The following SNX29 variants were observed in gnomAD, a reference collection of about 807,000 sequenced individuals.
SNX29 encodes the protein sorting nexin-29.
In SNX29, 78 loss-of-function variants were observed where a neutral mutation model predicts 102.1. The observed-to-expected ratio is 0.76, with a 90% confidence interval of 0.64 to 0.92. The LOEUF (loss-of-function observed/expected upper bound fraction) is 0.92, where lower values mean the gene tolerates loss of function less well. SNX29 is among the 40% of genes least tolerant of loss of function. The pLI, the probability that SNX29 is intolerant of heterozygous loss-of-function variation, is 0.00. For missense variants in SNX29, 1,280 were observed against 1,061.7 expected (o/e 1.21, Z -2.86); for synonymous variants, 580 against 414.5 (o/e 1.40, Z -4.85).
chr16:12,322,244 C>T (rs1371787574), intron 15 of SNX29, among the ~76,000 whole-genome samples: 2 of 152,144 alleles, frequency 1.3e-5, no homozygotes, highest in African/African-American at 4.8e-5. Flanking sequence ...AGTGGCCTAA[C>T]CTACATCCTG....
intron 15 of SNX29, among the ~76,000 whole-genome samples, chr16:12,339,759 C>T (rs1251518997): frequency 2.6e-5 from 4 of 152,218 alleles, no homozygotes; most frequent in African/African-American, 7.2e-5. Context: ...GTTTCTCTCC[C>T]AGTAGCTCTA....
intron 11 of SNX29, among the ~76,000 whole-genome samples, chr16:12,115,290 C>T (rs368532007): frequency 2.0e-5 from 3 of 152,032 alleles, no homozygotes; most frequent in South Asian, 4.1e-4. Context: ...CCACAAGTAC[C>T]GAAGGAAGAA....
chr16:12,264,728 G>C (rs918310025), intron 14 of SNX29, among the ~76,000 whole-genome samples: 1 of 151,288 alleles, frequency 6.6e-6, no homozygotes, highest in Non-Finnish European at 1.5e-5. Context: ...GTTGCAGTGA[G>C]CCGAGATCAT....
At chr16:12,215,973 T>C (rs1338509969) in intron 14 of SNX29, among the ~76,000 whole-genome samples, 1 of 152,196 alleles carries the variant, frequency 6.6e-6, no homozygotes, top group Admixed American at 6.5e-5. Flanking sequence ...TGGTGGTCTT[T>C]GCTGCCTTCT....
intron 18 of SNX29, among the ~76,000 whole-genome samples, chr16:12,450,796 T>C (rs946929754): frequency 4.6e-5 from 7 of 152,102 alleles, no homozygotes; most frequent in African/African-American, 1.7e-4. Flanking sequence ...GTGGTGGCAC[T>C]GGGGAACCTA....
chr16:12,088,417 C>T (rs1356820407), intron 11 of SNX29, among the ~76,000 whole-genome samples: 3 of 152,082 alleles, frequency 2.0e-5, no homozygotes, highest in Non-Finnish European at 4.4e-5. Flanking sequence ...ACTCTGTTCC[C>T]ACTTGTTCTT....
At chr16:12,327,237 C>A (rs1319256211) in intron 15 of SNX29, among the ~76,000 whole-genome samples, 1 of 152,086 alleles carries the variant, frequency 6.6e-6, no homozygotes, top group Non-Finnish European at 1.5e-5. Context: ...AGCTTCCTTT[C>A]TAGTGATGGG....
intron 11 of SNX29, among the ~76,000 whole-genome samples, chr16:12,106,372 T>C (rs2053240463): frequency 1.3e-5 from 2 of 152,132 alleles, no homozygotes; most frequent in African/African-American, 4.8e-5. Context: ...TTCTTGGTGG[T>C]GCCATTACAT....
intron 19 of SNX29, among the ~76,000 whole-genome samples, chr16:12,489,317 C>T (rs1050775273): frequency 6.6e-6 from 1 of 152,146 alleles, no homozygotes; most frequent in East Asian, 1.9e-4. Flanking sequence ...TCTCAAGTTG[C>T]CACCAGTTGG....
At chr16:12,337,845 C>A (rs1428853068) in intron 15 of SNX29, among the ~76,000 whole-genome samples, 1 of 152,148 alleles carries the variant, frequency 6.6e-6, no homozygotes, top group African/African-American at 2.4e-5. Context: ...TGGGACAGTC[C>A]TCTTTATGTC....
intron 20 of SNX29, among the ~76,000 whole-genome samples, chr16:12,565,826 C>A (rs373546805): frequency 1.3e-5 from 2 of 152,172 alleles, no homozygotes; most frequent in Non-Finnish European, 2.9e-5. Context: ...CTTCTGGTCA[C>A]CCTCCACACC....
At chr16:12,444,958 T>A (rs996029441) in intron 18 of SNX29, among the ~76,000 whole-genome samples, 8 of 151,526 alleles carry the variant, frequency 5.3e-5, no homozygotes, top group African/African-American at 1.9e-4. Flanking sequence ...TTCAAGGGGT[T>A]CTCCTGCGTC....
chr16:12,042,254 C>G (rs1009005695), intron 4 of SNX29, among the ~76,000 whole-genome samples: 6 of 152,304 alleles, frequency 3.9e-5, no homozygotes, highest in African/African-American at 1.2e-4. Context: ...TGGTCTTGAA[C>G]TCCTAGCCTC....
chr16:12,552,328 T>TA lies in SNX29; in HGVS notation c.2319-16178_2319-16177insA, dbSNP rs568456118. ...CTAGAAGAGGTGATAATGGAACTCC[T>TA]CTCCTGGCTTCTGTGAGGGTTTAAT... On this transcript the variant is annotated intron_variant, in intron 20 of 20. Transcript: ENST00000566228. Among the ~76,000 whole-genome samples the TA allele has an allele frequency of 5.9e-5, 9 of 152,202 alleles. No individual in the cohort carries two copies. In the South Asian group the frequency reaches 1.9e-3, roughly 32 times the overall value.
intron 18 of SNX29, among the ~76,000 whole-genome samples, chr16:12,424,867 A>G (rs2151601922): frequency 6.6e-6 from 1 of 152,358 alleles, no homozygotes; most frequent in South Asian, 2.1e-4. Flanking sequence ...TCATGGAATT[A>G]CAGTCTGTAG....
chr16:12,286,091 C>T (rs1308086347), intron 15 of SNX29, among the ~76,000 whole-genome samples: 1 of 151,952 alleles, frequency 6.6e-6, no homozygotes, highest in African/African-American at 2.4e-5. Context: ...GATCCTCCCA[C>T]CTCGGCCTCC....
intron 4 of SNX29, among the ~76,000 whole-genome samples, chr16:12,042,662 C>G (rs1034349915): frequency 6.6e-6 from 1 of 152,162 alleles, no homozygotes; most frequent in African/African-American, 2.4e-5. Context: ...CAATTTTGTT[C>G]TTTTTCATGG....
intron 14 of SNX29, among the ~76,000 whole-genome samples, chr16:12,208,051 A>G (rs1206590705): frequency 2.0e-5 from 3 of 152,252 alleles, no homozygotes; most frequent in Non-Finnish European, 2.9e-5. Context: ...GTAGATGGAA[A>G]GAGCATTCCC....
At chr16:12,046,731 T>C (rs1300626815) in intron 6 of SNX29, among the ~76,000 whole-genome samples, 3 of 152,244 alleles carry the variant, frequency 2.0e-5, no homozygotes, top group Non-Finnish European at 4.4e-5. Flanking sequence ...GTCATTTTCC[T>C]GTCTCAACCT....
Sources: allele counts gnomAD v4.1 joint callset (sites outside exome capture counted in the v4.1 genomes callset), GRCh38; gene constraint gnomAD v4.1.1; transcripts MANE v1.5; gene names NCBI Gene and HGNC (gene_info 2026-07-23, HGNC 2026-07-21).